SOX6: variants seen among roughly 807,000 people sequenced by gnomAD.
SOX6 encodes transcription factor SOX-6.
In SOX6, 11 loss-of-function variants were observed where a neutral mutation model predicts 97.8. That is an observed-to-expected ratio of 0.11 (90% CI 0.07 to 0.19). The LOEUF is 0.19. SOX6 is among the 10% of genes least tolerant of loss of function. The pLI, the probability that SOX6 is intolerant of heterozygous loss-of-function variation, is 1.00. For missense variants in SOX6, 810 were observed against 1,039.5 expected (o/e 0.78, Z 3.04); for synonymous variants, 360 against 371.4 (o/e 0.97, Z 0.35).
At chr11:16,442,191 G>A (rs1335207077) in intron 1 of SOX6, among the ~76,000 whole-genome samples, 1 of 152,134 alleles carries the variant, frequency 6.6e-6, no homozygotes, top group Non-Finnish European at 1.5e-5. Flanking sequence ...TTTACTTGGT[G>A]GAAAACTTTT....
At chr11:16,672,100 A>G (rs2134024906) in intron 3 of SOX6, among the ~76,000 whole-genome samples, 1 of 152,336 alleles carries the variant, frequency 6.6e-6, no homozygotes, top group South Asian at 2.1e-4. Flanking sequence ...GCAAATGTTG[A>G]GGGAGTTTGT....
At chr11:16,372,144 A>C (rs899512087) in intron 1 of SOX6, among the ~76,000 whole-genome samples, 1 of 152,056 alleles carries the variant, frequency 6.6e-6, no homozygotes, top group Non-Finnish European at 1.5e-5. Context: ...TAGTTCAATA[A>C]ATAATTAGTT....
At chr11:16,629,342 A>G (rs1456620341) in intron 3 of SOX6, among the ~76,000 whole-genome samples, 1 of 152,220 alleles carries the variant, frequency 6.6e-6, no homozygotes, top group Non-Finnish European at 1.5e-5. Context: ...TTCCACATCT[A>G]TTGAGATGAT....
At chr11:16,514,076 C>G (rs1860923111) in intron 4 of SOX6, among the ~76,000 whole-genome samples, 1 of 151,930 alleles carries the variant, frequency 6.6e-6, no homozygotes, top group Admixed American at 6.6e-5. Context: ...ATTAGCCAAA[C>G]ATGATAGCAC....
chr11:16,688,852 T>C (rs1357624034), intron 3 of SOX6, among the ~76,000 whole-genome samples: 1 of 152,254 alleles, frequency 6.6e-6, no homozygotes, highest in South Asian at 2.1e-4. Context: ...GATGTTTTTG[T>C]ATTCCTATGA....
At chr11:16,060,323 A>T (rs536572104) in intron 9 of SOX6, among the ~76,000 whole-genome samples, 1 of 152,030 alleles carries the variant, frequency 6.6e-6, no homozygotes, top group Admixed American at 6.6e-5. Flanking sequence ...GCAAGACCAC[A>T]TAAACTCTGA....
chr11:16,347,669 A>C (rs1230032175), intron 1 of SOX6, among the ~76,000 whole-genome samples: 1 of 152,148 alleles, frequency 6.6e-6, no homozygotes, highest in African/African-American at 2.4e-5. Context: ...AAGCCCAAGT[A>C]CAGGATATCT....
At chr11:16,101,611 C>CA (rs1162718074) in intron 7 of SOX6, among the ~76,000 whole-genome samples, 2 of 151,660 alleles carry the variant, frequency 1.3e-5, no homozygotes, top group East Asian at 3.9e-4. Context: ...GAATTTGTCA[C>CA]AATGGCAATT....
rs1853327145 is a variant in SOX6 at position 15,971,971 on chromosome 11, T to A, written c.*838A>T. The stretch of plus-strand genomic sequence containing the variant: ...CAGGCAGAGAAGACCACTCTGTCGA[T>A]ATCTGGTGTGGCGGTTGCTCTGGTG... On this transcript the variant is annotated 3_prime_UTR_variant, in exon 16 of 16. Coordinates refer to ENST00000683767, the MANE Select transcript of SOX6 (RefSeq NM_001367873.1). The A allele has an allele frequency of 6.6e-6, 1 of 152,656 alleles. No individual in the cohort carries two copies. The highest frequency in any genetic ancestry group is 2.1e-4 in the South Asian group (1 of 4,834). The allele number at this position is 152,656 out of a possible 1,614,324, so 9.5% of individuals were successfully genotyped here. A position where few individuals can be genotyped will look rare whatever the true frequency, so the allele number is the denominator to read the frequency against.
At chr11:16,602,782 G>A (rs887295248) in intron 4 of SOX6, among the ~76,000 whole-genome samples, 1 of 152,052 alleles carries the variant, frequency 6.6e-6, no homozygotes. Context: ...AGCACTTTGG[G>A]AGGCCGAGGC....
At position 16,032,066 on chromosome 11, in the gene SOX6, A is replaced by T. The variant is rs529098180; in HGVS notation, c.1623+14448T>A. Reference sequence around the variant, plus strand: ...CAAAAGGGCAGAGAGATGAAAATAAATTTTCATCTCCGTAAGAGTAACTAC... The same window carrying T: ...CAAAAGGGCAGAGAGATGAAAATAATTTTTCATCTCCGTAAGAGTAACTAC... On this transcript the variant is annotated intron_variant, in intron 12 of 15. Transcript: ENST00000683767. 2.6e-4 allele frequency among the ~76,000 whole-genome samples: 39 copies of T among 152,252 alleles called. No individual in the cohort carries two copies. In the South Asian group the frequency reaches 7.5e-3, roughly 29 times the overall value.
chr11:16,282,015 A>C (rs1289456589), intron 3 of SOX6, among the ~76,000 whole-genome samples: 4 of 148,348 alleles, frequency 2.7e-5, no homozygotes, highest in East Asian at 3.9e-4. Context: ...ATACACACAC[A>C]CCCTTTTACT....
chr11:16,562,902 A>G (rs1847831400), intron 4 of SOX6, among the ~76,000 whole-genome samples: 1 of 152,300 alleles, frequency 6.6e-6, no homozygotes, highest in South Asian at 2.1e-4. Flanking sequence ...TTCCATATCC[A>G]TCTAGCAGTA....
chr11:16,307,669 A>T (rs917120049), intron 3 of SOX6, among the ~76,000 whole-genome samples: 2 of 152,178 alleles, frequency 1.3e-5, no homozygotes, highest in Non-Finnish European at 2.9e-5. Context: ...CCACTCTTTA[A>T]AAACTGCCCT....
intron 3 of SOX6, among the ~76,000 whole-genome samples, chr11:16,614,334 C>T (rs993828038): frequency 2.0e-5 from 3 of 152,114 alleles, no homozygotes; most frequent in Admixed American, 2.0e-4. Flanking sequence ...CTCAGGGACG[C>T]GGCCAGACCC....
At chr11:16,136,497 C>T (rs1329497407) in intron 6 of SOX6, among the ~76,000 whole-genome samples, 1 of 151,606 alleles carries the variant, frequency 6.6e-6, no homozygotes, top group Non-Finnish European at 1.5e-5. Context: ...AACTCCTAGG[C>T]TCAAGGTATC....
intron 12 of SOX6, among the ~76,000 whole-genome samples, chr11:16,037,510 G>A (rs936853412): frequency 1.1e-4 from 17 of 152,202 alleles, no homozygotes; most frequent in African/African-American, 4.1e-4. Flanking sequence ...TCTTGGGAAT[G>A]CTGCAAGAGA....
At chr11:16,265,020 A>T (rs1854032731) in intron 3 of SOX6, among the ~76,000 whole-genome samples, 1 of 151,858 alleles carries the variant, frequency 6.6e-6, no homozygotes, top group South Asian at 2.1e-4. Flanking sequence ...TACAAGGCAG[A>T]AGAACTCAGG....
intron 1 of SOX6, among the ~76,000 whole-genome samples, chr11:16,384,436 A>C (rs1857917656): frequency 6.6e-6 from 1 of 151,972 alleles, no homozygotes; most frequent in Admixed American, 6.6e-5. Context: ...GTTGCACAAT[A>C]AACTCACGTG....
Sources: allele counts gnomAD v4.1 joint callset (sites outside exome capture counted in the v4.1 genomes callset), GRCh38; gene constraint gnomAD v4.1.1; transcripts MANE v1.5; gene names NCBI Gene and HGNC (gene_info 2026-07-23, HGNC 2026-07-21).